The following TRPS1 variants were observed in gnomAD, a reference collection of about 807,000 sequenced individuals.
The protein encoded by TRPS1 is transcriptional repressor GATA binding 1.
Under a neutral mutation model 101.2 loss-of-function variants are expected in TRPS1, and 6 were observed. The ratio of observed to expected loss-of-function variants is 0.06; its 90% CI spans 0.03 to 0.12. The LOEUF (loss-of-function observed/expected upper bound fraction) is 0.12. Among genes scored for constraint, TRPS1 ranks in the 10% least tolerant of loss-of-function variants. The pLI, the probability that TRPS1 is intolerant of heterozygous loss-of-function variation, is 1.00. For missense variants in TRPS1, 1,363 were observed against 1,567.0 expected, an observed-to-expected ratio of 0.87 and a Z score of 2.20; for synonymous variants, 578 against 589.8, an observed-to-expected ratio of 0.98 and a Z score of 0.29.
intron 5 of TRPS1, among the ~76,000 whole-genome samples, chr8:115,453,760 G>A (rs1813942459): frequency 1.3e-5 from 2 of 152,216 alleles, no homozygotes; most frequent in Admixed American, 6.5e-5. Context: ...TACCCAAACT[G>A]TAATCAGGCA....
intron 4 of TRPS1, among the ~76,000 whole-genome samples, chr8:115,599,325 ATTT>A (rs1304841995): frequency 1.3e-5 from 2 of 151,108 alleles, no homozygotes; most frequent in African/African-American, 4.9e-5. Context: ...GGTGATCTTG[ATTT>A]TTTTTTAATT....
At chr8:115,492,300 A>G in intron 5 of TRPS1, 1 of 455,748 alleles carries the variant, frequency 2.2e-6, no homozygotes, top group Non-Finnish European at 4.4e-6. Context: ...GGCAACAACT[A>G]GATATGTTTT....
chr8:115,562,880 G>GTC (rs1177520255), intron 5 of TRPS1, among the ~76,000 whole-genome samples: 1 of 101,420 alleles, frequency 9.9e-6, no homozygotes, highest in Non-Finnish European at 1.7e-5. Context: ...CAGTGTCTGT[G>GTC]TGTGTGTGTG....
chr8:115,478,973 GTA>G (rs1276613438), intron 5 of TRPS1, among the ~76,000 whole-genome samples: 7 of 148,904 alleles, frequency 4.7e-5, no homozygotes, highest in Admixed American at 4.1e-4. Context: ...GTGTATATAT[GTA>G]TATATATGTA....
intron 6 of TRPS1, among the ~76,000 whole-genome samples, chr8:115,416,820 C>T (rs983448438): frequency 1.1e-4 from 17 of 151,958 alleles, no homozygotes; most frequent in African/African-American, 3.9e-4. Flanking sequence ...ATGCCATGTG[C>T]ATTTCTTTTG....
chr8:115,618,080 T>C (rs1183006918), intron 3 of TRPS1, among the ~76,000 whole-genome samples: 1 of 152,194 alleles, frequency 6.6e-6, no homozygotes, highest in African/African-American at 2.4e-5. Context: ...TAGAGAGGTC[T>C]GAGACAAATG....
chr8:115,637,375 A>G, intron 1 of TRPS1: 1 of 879,412 alleles, frequency 1.1e-6, no homozygotes, highest in Non-Finnish European at 1.4e-6. Flanking sequence ...GTGGTGTGAC[A>G]TGTAGACGGA....
chr8:115,579,414 C>G (rs75858796), intron 5 of TRPS1, among the ~76,000 whole-genome samples: 3,430 of 152,074 alleles, frequency 0.023, 52 homozygotes, highest in Non-Finnish European at 0.037. Flanking sequence ...TCTACCAAGA[C>G]TTTTTTTATG....
chr8:115,576,063 T>G (rs1002311660), intron 5 of TRPS1, among the ~76,000 whole-genome samples: 4 of 152,120 alleles, frequency 2.6e-5, no homozygotes, highest in Admixed American at 1.3e-4. Flanking sequence ...TAGAATTATT[T>G]TCTCATTGTG....
At chr8:115,592,571 G>C (rs1378166586) in intron 4 of TRPS1, among the ~76,000 whole-genome samples, 1 of 152,068 alleles carries the variant, frequency 6.6e-6, no homozygotes, top group Non-Finnish European at 1.5e-5. Context: ...CTTGAGACTT[G>C]AACAACTCCT....
intron 5 of TRPS1, among the ~76,000 whole-genome samples, chr8:115,557,107 G>C (rs1194655857): frequency 6.6e-6 from 1 of 152,074 alleles, no homozygotes; most frequent in Non-Finnish European, 1.5e-5. Flanking sequence ...CTTGTGCAGG[G>C]AAACCCCTCT....
chr8:115,668,196 A>T (rs1366436078), intron 1 of TRPS1: 2 of 489,652 alleles, frequency 4.1e-6, no homozygotes, highest in East Asian at 7.0e-5. Context: ...GATGCCTCAG[A>T]CCCACCAAAA....
rs145872269 is a variant in TRPS1, at chr8:115,448,342, G to C, written c.2701-29890C>G. ...TACAAAGATACAGCATGGCACAAAA[G>C]CTATATGGATAATTGCCTTCACAAA... is the stretch of plus-strand genomic sequence containing the variant. On this transcript the variant is annotated intron_variant, in intron 5 of 6. Coordinates refer to ENST00000395715, the MANE Select transcript of TRPS1 (RefSeq NM_014112.5). Among the ~76,000 whole-genome samples, 500 of 152,226 alleles carry C rather than the reference G, an allele frequency of 3.3e-3. 13 individuals carry two copies. The highest frequency in any genetic ancestry group is 0.013 in the East Asian group (68 of 5,182).
chr8:115,567,123 A>T (rs1817086896), intron 5 of TRPS1, among the ~76,000 whole-genome samples: 1 of 132,998 alleles, frequency 7.5e-6, no homozygotes, highest in Non-Finnish European at 1.6e-5. Flanking sequence ...ACCAAGTTTT[A>T]GGCCTCAGGT....
intron 1 of TRPS1, among the ~76,000 whole-genome samples, chr8:115,667,337 C>G (rs967713742): frequency 2.0e-5 from 3 of 152,178 alleles, no homozygotes; most frequent in African/African-American, 7.2e-5. Context: ...AAACAGCTCC[C>G]ACCGCCGCCT....
chr8:115,530,765 TTC>T, intron 5 of TRPS1, among the ~76,000 whole-genome samples: 1 of 151,980 alleles, frequency 6.6e-6, no homozygotes, highest in Admixed American at 6.6e-5. Context: ...AAATGATGAG[TTC>T]ATGTCCTTTG....
At chr8:115,622,053 G>T (rs1286552522) in intron 2 of TRPS1, among the ~76,000 whole-genome samples, 1 of 152,170 alleles carries the variant, frequency 6.6e-6, no homozygotes, top group African/African-American at 2.4e-5. Context: ...GGATGGAAGA[G>T]TGAAGTTTCA....
intron 1 of TRPS1, among the ~76,000 whole-genome samples, chr8:115,629,000 C>G (rs1443705829): frequency 6.6e-6 from 1 of 151,752 alleles, no homozygotes; most frequent in Non-Finnish European, 1.5e-5. Context: ...ACTGAAATTT[C>G]CCAATCTCAT....
At chr8:115,621,894 C>T (rs557955814) in intron 2 of TRPS1, among the ~76,000 whole-genome samples, 4 of 150,000 alleles carry the variant, frequency 2.7e-5, no homozygotes, top group South Asian at 2.1e-4. Flanking sequence ...CCAGCCTGGG[C>T]GACAAGAGTG....
Sources: gnomAD v4.1 joint callset for allele counts (sites outside exome capture counted in the v4.1 genomes callset) on GRCh38, gnomAD v4.1.1 for gene constraint, MANE v1.5 for transcripts, NCBI Gene and HGNC (gene_info 2026-07-23, HGNC 2026-07-21) for gene names.